Variants in CLMN observed in about 807,000 individuals in gnomAD.
CLMN encodes the protein calmin (calponin-like, transmembrane).
A neutral mutation model predicts 92.7 loss-of-function variants in CLMN; 57 were observed. The observed-to-expected ratio is 0.61, with a 90% CI of 0.50 to 0.77. CLMN has a LOEUF of 0.77. CLMN is among the 30% of genes least tolerant of loss of function. The pLI is 0.00. For missense variants in CLMN, 1,158 were observed against 1,237.5 expected (o/e 0.94, Z 0.96); for synonymous variants, 466 against 470.6 (o/e 0.99, Z 0.13).
At chr14:95,305,172 G>C (rs571697994) in intron 1 of CLMN, among the ~76,000 whole-genome samples, 1 of 152,352 alleles carries the variant, frequency 6.6e-6, no homozygotes, top group Non-Finnish European at 1.5e-5. Context: ...TGCAATTAGT[G>C]CAGCTCCCAA....
chr14:95,263,051 C>T (rs1466163005), intron 1 of CLMN, among the ~76,000 whole-genome samples: 1 of 152,234 alleles, frequency 6.6e-6, no homozygotes, highest in Non-Finnish European at 1.5e-5. Context: ...CTGCCCAGCG[C>T]ATATGTGGCT....
rs527901473 is a variant in CLMN at position 95,210,959 on chromosome 14, G to C, written c.609-80C>G. 6 of 1,438,858 alleles carry C rather than the reference G, an allele frequency of 4.2e-6. No homozygotes were observed. In the African/African-American group the frequency reaches 5.9e-5, roughly 14 times the overall value. 89.1% of individuals were successfully genotyped at this position (1,438,858 alleles called of 1,614,324 possible). The stretch of plus-strand genomic sequence containing the variant: ...GGTGCAAGGTCAGCATGCAGCAGCC[G>C]CGTGAGTTTTTGAGTGGGGCAGAGC... On this transcript the variant is annotated intron_variant, in intron 6 of 12. Coordinates refer to ENST00000298912, the MANE Select transcript of CLMN (RefSeq NM_024734.4).
chr14:95,282,688 C>T (rs532546265), intron 1 of CLMN, among the ~76,000 whole-genome samples: 168 of 152,328 alleles, frequency 1.1e-3, no homozygotes, highest in African/African-American at 3.8e-3. Flanking sequence ...AGGCACTTGC[C>T]ACCTCAGCCC....
intron 1 of CLMN, among the ~76,000 whole-genome samples, chr14:95,232,962 C>T (rs1897936228): frequency 6.6e-6 from 1 of 152,298 alleles, no homozygotes; most frequent in East Asian, 1.9e-4. Flanking sequence ...GAATATATTT[C>T]TTACCCGTGA....
chr14:95,235,357 G>A (rs904585713), intron 1 of CLMN, among the ~76,000 whole-genome samples: 2 of 152,186 alleles, frequency 1.3e-5, no homozygotes, highest in Non-Finnish European at 2.9e-5. Flanking sequence ...TGCACAGTTT[G>A]GAAACTTAAA....
At position 95,253,261 on chromosome 14, in the gene CLMN, G is replaced by A. The variant is rs576439249; in HGVS notation, c.83-23128C>T. On this transcript the variant is annotated intron_variant, in intron 1 of 12. Transcript: ENST00000298912. Reference sequence around the variant, plus strand: ...CTATAAATTAGCTCATGGATGCCTCGGTTTATACATCTGTAAAATGGGACT... The same window carrying A: ...CTATAAATTAGCTCATGGATGCCTCAGTTTATACATCTGTAAAATGGGACT... Among the ~76,000 whole-genome samples the A allele has an allele frequency of 5.9e-5, 9 of 152,250 alleles. No individual in the cohort carries two copies. The East Asian group carries it at 9.7e-4, about 16-fold the overall frequency.
chr14:95,284,659 G>C (rs976832459), intron 1 of CLMN, among the ~76,000 whole-genome samples: 4 of 152,034 alleles, frequency 2.6e-5, no homozygotes, highest in Admixed American at 6.6e-5. Context: ...TTTCAGACTT[G>C]CACAGGCCCT....
chr14:95,206,166 C>G (rs921515772), intron 8 of CLMN, among the ~76,000 whole-genome samples: 3 of 152,126 alleles, frequency 2.0e-5, no homozygotes, highest in African/African-American at 7.2e-5. Flanking sequence ...AAGCACACTT[C>G]AAGATGGGGG....
At chr14:95,222,709 C>G in intron 3 of CLMN, 1 of 422,258 alleles carries the variant, frequency 2.4e-6, no homozygotes, top group Admixed American at 2.7e-5. Flanking sequence ...CTCTAAGAAA[C>G]CAAATACTGT....
chr14:95,230,179 G>A (rs1490704415), intron 1 of CLMN, 46 bp from the exon 2 acceptor site: 1 of 1,547,640 alleles, frequency 6.5e-7, no homozygotes, highest in Non-Finnish European at 8.9e-7. Context: ...AGAAGTATGT[G>A]CAAAATCACA....
At chr14:95,225,394 G>A (rs573133884) in intron 2 of CLMN, among the ~76,000 whole-genome samples, 1 of 152,304 alleles carries the variant, frequency 6.6e-6, no homozygotes, top group East Asian at 1.9e-4. Context: ...GCAATGTCAG[G>A]TGAGGAATCT....
At chr14:95,200,845 G>T (rs989733692) in intron 9 of CLMN, among the ~76,000 whole-genome samples, 3 of 151,996 alleles carry the variant, frequency 2.0e-5, no homozygotes, top group African/African-American at 7.2e-5. Context: ...CAAAACTGGA[G>T]TCAAACATGA....
chr14:95,315,466 G>A (rs975085263), intron 1 of CLMN, among the ~76,000 whole-genome samples: 21 of 152,310 alleles, frequency 1.4e-4, no homozygotes, highest in African/African-American at 4.6e-4. Context: ...AAGCCGTAAA[G>A]AAGTCAGTGA....
chr14:95,318,662 C>T lies in CLMN; in HGVS notation c.82+1049G>A, dbSNP rs530565520. Among the ~76,000 whole-genome samples, 4 of 152,242 alleles carry T rather than the reference C, an allele frequency of 2.6e-5. No individual in the cohort carries two copies. In the South Asian group the frequency reaches 8.3e-4, roughly 32 times the overall value. The stretch of plus-strand genomic sequence containing the variant: ...GCCTCCCAGCTCGCTCCTAGCCACT[C>T]CTAACCTTGAACCCTCTAGAAACCC... On this transcript the variant is annotated intron_variant, in intron 1 of 12. Coordinates refer to ENST00000298912, the MANE Select transcript of CLMN (RefSeq NM_024734.4).
intron 1 of CLMN, among the ~76,000 whole-genome samples, chr14:95,293,981 G>A (rs899230825): frequency 6.6e-6 from 1 of 152,082 alleles, no homozygotes; most frequent in African/African-American, 2.4e-5. Flanking sequence ...CAGCAGGGAA[G>A]GTGCCAGCCC....
intron 3 of CLMN, chr14:95,222,693 C>T (rs1209471145): frequency 1.8e-5 from 8 of 437,498 alleles, no homozygotes; most frequent in East Asian, 7.1e-5. Context: ...GTGCTCATGG[C>T]GAGGCCTCTA....
chr14:95,230,279 T>G, intron 1 of CLMN, 146 bp from the exon 2 acceptor site: 1 of 723,442 alleles, frequency 1.4e-6, no homozygotes, highest in Non-Finnish European at 2.4e-6. Flanking sequence ...CTGGAAGGGG[T>G]TGGCAACGCC....
At position 95,294,355 on chromosome 14, in the gene CLMN, G is replaced by A. The variant is rs138097119; in HGVS notation, c.82+25356C>T. Among the ~76,000 whole-genome samples the A allele has an allele frequency of 6.6e-6, 1 of 152,328 alleles. No individual in the cohort carries two copies. Among genetic ancestry groups the A allele is most frequent in the Non-Finnish European group, 1.5e-5 (1 of 68,036 alleles). ...TGAAGCAGGAAAAAGCTGGGTTTCA[G>A]GACACAATCTCTTAGGGCACCTCTG... is the stretch of plus-strand genomic sequence containing the variant. On this transcript the variant is annotated intron_variant, in intron 1 of 12. Transcript: ENST00000298912. This position sits in a 1 kb window ranked among gnomAD's most constrained non-coding sequence, Gnocchi z 4.2.
At chr14:95,200,434 T>C (rs1896845155) in intron 9 of CLMN, among the ~76,000 whole-genome samples, 1 of 152,316 alleles carries the variant, frequency 6.6e-6, no homozygotes, top group Admixed American at 6.5e-5. Context: ...GGTGAGCTCA[T>C]GGAGGGGCTG....
Sources: allele counts gnomAD v4.1 joint callset (sites outside exome capture counted in the v4.1 genomes callset), GRCh38; gene constraint gnomAD v4.1.1; non-coding constraint Gnocchi (gnomAD v3.1); transcripts MANE v1.5; gene names NCBI Gene and HGNC (gene_info 2026-07-23, HGNC 2026-07-21).